ZNF664: variants seen among roughly 807,000 people sequenced by gnomAD.
The protein encoded by ZNF664 is zinc finger protein 664.
In ZNF664, 10 loss-of-function variants were observed where a neutral mutation model predicts 18.2. That is an observed-to-expected ratio of 0.55 (90% CI 0.34 to 0.93). The LOEUF (loss-of-function observed/expected upper bound fraction) is 0.93. ZNF664 is among the 40% of genes least tolerant of loss of function. The pLI is 0.02. For synonymous variants in ZNF664, 119 were observed against 104.2 expected (o/e 1.14, Z -0.86); for missense variants, 193 against 319.0 (o/e 0.61, Z 3.01).
chr12:124,001,966 AG>A lies in ZNF664; in HGVS notation c.-660-9413del, dbSNP rs375593514. Among the ~76,000 whole-genome samples the A allele has an allele frequency of 1.8e-3, 277 of 152,366 alleles. 1 individual carries two copies. Among genetic ancestry groups the A allele is most frequent in the African/African-American group, 6.4e-3 (265 of 41,590 alleles). On this transcript the variant is annotated intron_variant, in intron 3 of 4. Transcript: ENST00000337815. ...AGCTTGCATTCAAGAGAGCAGGGAG[AG>A]GAGCACAACAAAGGAAGCATGTGCA...
intron 2 of ZNF664, among the ~76,000 whole-genome samples, chr12:123,983,558 T>C (rs1324472128): frequency 6.6e-6 from 1 of 152,232 alleles, no homozygotes; most frequent in East Asian, 1.9e-4. Context: ...GAAGCCTTTA[T>C]AGCCAGAGCA....
chr12:124,012,345 T>C lies in ZNF664; in HGVS notation c.201T>C (p.Asp67=). ...ATAAATGTGATGATTGTGGTAAGGA[T>C]TTTAGCACTACAACAAAACTTAATA... ...KVYKCDDCGK[D]FSTTTKLNRH... Residue 67 remains aspartate (D), a synonymous_variant, in exon 5 of 5, where the codon GAT becomes GAC. Coordinates refer to ENST00000337815, the MANE Select transcript of ZNF664 (RefSeq NM_152437.3). 6.2e-7 allele frequency: 1 copy of C among 1,614,182 alleles called. No homozygotes were observed. The highest frequency in any genetic ancestry group is 8.5e-7 in the Non-Finnish European group (1 of 1,180,026).
chr12:123,997,617 G>C (rs966698638), intron 3 of ZNF664: 1 of 152,148 alleles, frequency 6.6e-6, no homozygotes, highest in East Asian at 1.9e-4. Flanking sequence ...CTTTTATAAG[G>C]ATAGCAGGCA....
At chr12:123,982,990 A>G (rs956438483) in intron 2 of ZNF664, among the ~76,000 whole-genome samples, 2 of 152,124 alleles carry the variant, frequency 1.3e-5, no homozygotes, top group African/African-American at 4.8e-5. Flanking sequence ...CCCCGTCTCT[A>G]CCAAAAATAC....
At chr12:123,991,347 C>T (rs557091947) in intron 3 of ZNF664, among the ~76,000 whole-genome samples, 12 of 152,122 alleles carry the variant, frequency 7.9e-5, no homozygotes, top group African/African-American at 2.7e-4. Context: ...ACTAGATAGT[C>T]AAGAAGGGAA....
intron 3 of ZNF664, among the ~76,000 whole-genome samples, chr12:124,007,098 T>C (rs1307449209): frequency 6.6e-6 from 1 of 152,170 alleles, no homozygotes; most frequent in Non-Finnish European, 1.5e-5. Context: ...TGTTCTTTGG[T>C]TGGTCACGTG....
intron 1 of ZNF664, 129 bp downstream of exon 1, chr12:123,973,481 C>G: frequency 1.8e-6 from 1 of 565,318 alleles, no homozygotes; most frequent in Non-Finnish European, 2.2e-6. Context: ...ACAACCCATC[C>G]CGGAGGATGG....
intron 3 of ZNF664, among the ~76,000 whole-genome samples, chr12:124,010,597 G>A (rs966022524): frequency 6.6e-6 from 1 of 152,188 alleles, no homozygotes; most frequent in African/African-American, 2.4e-5. Context: ...GTGCCAGAGG[G>A]TGTCCTGAAG....
chr12:123,979,257 A>G (rs1023296098), intron 2 of ZNF664, among the ~76,000 whole-genome samples: 1 of 152,250 alleles, frequency 6.6e-6, no homozygotes, highest in Non-Finnish European at 1.5e-5. Context: ...AAATTAGGTA[A>G]TGAATTGAGG....
At position 124,012,545 on chromosome 12, in the gene ZNF664, A is replaced by G; in HGVS notation, c.401A>G (p.Gln134Arg). ...AATAGTTCAAACCTTTGCATGCATC[A>G]GAGAGTCCACACCGGAGAGAAGCCC... ...FSNSSNLCMHQRVHTGEKPFK... is the reference protein window; with the variant it reads ...FSNSSNLCMHRRVHTGEKPFK... The change falls in exon 5 of 5, where the codon CAG becomes CGG. Residue 134 changes from glutamine to arginine, a missense_variant. Gln to Arg is a conservative substitution (Grantham distance 43). Around this residue, in one of 3 missense-constraint regions of ZNF664, gnomAD observed 61 missense variants for 153.7 expected, o/e 0.40. Coordinates refer to ENST00000337815, the MANE Select transcript of ZNF664 (RefSeq NM_152437.3). 6.2e-7 allele frequency: 1 copy of G among 1,614,210 alleles called. No individual in the cohort carries two copies. The highest frequency in any genetic ancestry group is 8.5e-7 in the Non-Finnish European group (1 of 1,180,036).
chr12:124,014,176 G>A lies in ZNF664; in HGVS notation c.*1246G>A, dbSNP rs544206786. 1.8e-5 allele frequency: 3 copies of A among 166,912 alleles called. No individual in the cohort carries two copies. Among genetic ancestry groups the A allele is most frequent in the Non-Finnish European group, 4.4e-5 (3 of 68,080 alleles). The allele number at this position is 166,912 out of a possible 1,614,324, so 10.3% of individuals were successfully genotyped here. A position where few individuals can be genotyped will look rare whatever the true frequency, so the allele number is the denominator to read the frequency against. ...AACTAGGGTGATGATTTTAGTGGTGGGGTGGGGTGGGGGTGGGGTGACATT... is the reference window on the plus strand; with the variant it reads ...AACTAGGGTGATGATTTTAGTGGTGAGGTGGGGTGGGGGTGGGGTGACATT... On this transcript the variant is annotated 3_prime_UTR_variant, in exon 5 of 5. Transcript: ENST00000337815.
intron 3 of ZNF664, chr12:124,003,387 T>G (rs1957035354): frequency 6.8e-6 from 1 of 147,100 alleles, no homozygotes; most frequent in African/African-American, 2.6e-5. Context: ...GGGCTTGCCA[T>G]CTAATTGCAT....
intron 3 of ZNF664, among the ~76,000 whole-genome samples, chr12:124,005,295 C>T (rs1350273514): frequency 6.6e-6 from 1 of 152,216 alleles, no homozygotes; most frequent in East Asian, 1.9e-4. Context: ...TTTGTTCACA[C>T]AAGAAGCCAG....
At chr12:123,981,738 A>G (rs1481617274) in intron 2 of ZNF664, among the ~76,000 whole-genome samples, 1 of 152,268 alleles carries the variant, frequency 6.6e-6, no homozygotes, top group Non-Finnish European at 1.5e-5. Flanking sequence ...TATAGGACAC[A>G]TAGGTGTGTC....
At chr12:123,979,113 G>T (rs890080686) in intron 2 of ZNF664, among the ~76,000 whole-genome samples, 52 of 152,278 alleles carry the variant, frequency 3.4e-4, no homozygotes, top group African/African-American at 1.3e-3. Context: ...GTAAGACCAA[G>T]ACCTAAAATC....
chr12:124,011,875 T>C lies in ZNF664; in HGVS notation c.-270T>C. 1.6e-6 allele frequency: 2 copies of C among 1,248,480 alleles called. No individual in the cohort carries two copies. Among genetic ancestry groups the C allele is most frequent in the Non-Finnish European group, 2.0e-6 (2 of 998,354 alleles). The allele number at this position is 1,248,480 out of a possible 1,614,324, so 77.3% of individuals were successfully genotyped here. On this transcript the variant is annotated 5_prime_UTR_variant, in exon 5 of 5. Transcript: ENST00000337815. ...GACAACTCAGGATCTAAAACAAAGT[T>C]CTGTGTTAATGAGTTACAGAATTCA...
intron 2 of ZNF664, among the ~76,000 whole-genome samples, chr12:123,983,226 A>G (rs534948950): frequency 6.6e-6 from 1 of 152,366 alleles, no homozygotes; most frequent in South Asian, 2.1e-4. Context: ...ACCAATGGCT[A>G]TGATTACTCA....
chr12:123,994,340 T>C (rs1025534076), intron 3 of ZNF664, among the ~76,000 whole-genome samples: 11 of 152,208 alleles, frequency 7.2e-5, no homozygotes, highest in Non-Finnish European at 1.3e-4. Context: ...TTGGTACTTA[T>C]TGTAATAGAA....
In ZNF664 at chr12:124,012,941, T is replaced by A. The variant is rs1363084675; in HGVS notation, c.*11T>A. The A allele has an allele frequency of 6.2e-7, 1 of 1,609,620 alleles. No individual in the cohort carries two copies. The highest frequency in any genetic ancestry group is 8.5e-7 in the Non-Finnish European group (1 of 1,178,540). On this transcript the variant is annotated 3_prime_UTR_variant, in exon 5 of 5. Transcript: ENST00000337815. ...ATATCAGTTATATAAAACGTTTTGC[T>A]AAGAGTTTAAAATCTTAAAACCCAT...
Sources: gnomAD v4.1 joint callset for allele counts (sites outside exome capture counted in the v4.1 genomes callset) on GRCh38, gnomAD v4.1.1 for gene constraint, gnomAD v4.1.1 regional missense constraint, MANE v1.5 for transcripts, NCBI Gene and HGNC (gene_info 2026-07-23, HGNC 2026-07-21) for gene names.